Variants in RHBDD1 observed in about 807,000 individuals in gnomAD.
RHBDD1 encodes the protein rhomboid domain containing 1.
A neutral mutation model predicts 36.3 loss-of-function variants in RHBDD1; 38 were observed. That is an observed-to-expected ratio of 1.05 (90% CI 0.81 to 1.37). RHBDD1 has a LOEUF of 1.37. Ranked by LOEUF, RHBDD1 falls within the 40% of genes most tolerant of loss-of-function variation. RHBDD1 has a pLI of 0.00. For synonymous variants in RHBDD1, 151 were observed against 136.5 expected, an observed-to-expected ratio of 1.11 and a Z score of -0.74; for missense variants, 393 against 377.6, an observed-to-expected ratio of 1.04 and a Z score of -0.34.
At chr2:226,801,693 G>A in the RHBDD1 span, among the ~76,000 whole-genome samples, 5 of 152,202 alleles carry the variant, frequency 3.3e-5, no homozygotes, top group African/African-American at 9.6e-5. Flanking sequence ...GGAAATGGAA[G>A]CGAGGCGGCA....
the RHBDD1 span, among the ~76,000 whole-genome samples, chr2:226,823,168 T>C: frequency 6.6e-6 from 1 of 152,124 alleles, no homozygotes; most frequent in African/African-American, 2.4e-5. Flanking sequence ...CCTCTTTTTG[T>C]CCTGCTGCTA....
chr2:226,937,774 C>T (rs1359970597), intron 8 of RHBDD1, among the ~76,000 whole-genome samples: 1 of 152,074 alleles, frequency 6.6e-6, no homozygotes, highest in East Asian at 1.9e-4. Flanking sequence ...GACATCATTT[C>T]GGTTTTGTTG....
the RHBDD1 span, chr2:226,804,264 C>G: frequency 6.6e-6 from 1 of 152,088 alleles, no homozygotes. Context: ...TCCTGCTAAA[C>G]CAAAATCTCT....
At chr2:226,870,025 G>A (rs773834752) in intron 5 of RHBDD1, among the ~76,000 whole-genome samples, 12 of 152,172 alleles carry the variant, frequency 7.9e-5, no homozygotes, top group Non-Finnish European at 1.5e-4. Context: ...GTTCTCGTCT[G>A]AGCCTTAGGC....
chr2:226,868,634 G>A (rs1272201110), intron 5 of RHBDD1, among the ~76,000 whole-genome samples: 1 of 152,096 alleles, frequency 6.6e-6, no homozygotes, highest in African/African-American at 2.4e-5. Flanking sequence ...TTTTATTTTG[G>A]TTTTGATTTG....
the RHBDD1 span, among the ~76,000 whole-genome samples, chr2:226,803,051 T>C: frequency 6.6e-6 from 1 of 152,216 alleles, no homozygotes; most frequent in Non-Finnish European, 1.5e-5. Flanking sequence ...CCTTAAGATG[T>C]ATGGGTCATA....
intron 8 of RHBDD1, among the ~76,000 whole-genome samples, chr2:226,985,559 G>A (rs536698986): frequency 4.7e-4 from 72 of 152,354 alleles, no homozygotes; most frequent in African/African-American, 1.7e-3. Context: ...AAACTCGGGT[G>A]GATATGTTCA....
At chr2:226,918,540 C>T in intron 8 of RHBDD1, among the ~76,000 whole-genome samples, 2 of 151,948 alleles carry the variant, frequency 1.3e-5, no homozygotes, top group Admixed American at 1.3e-4. Context: ...TTATAGCTCC[C>T]ACAAATAAAT....
At chr2:226,879,250 A>G (rs1019338874) in intron 5 of RHBDD1, among the ~76,000 whole-genome samples, 1 of 152,198 alleles carries the variant, frequency 6.6e-6, no homozygotes, top group African/African-American at 2.4e-5. Context: ...TAAACTGGCT[A>G]CTAGTTGCTT....
chr2:226,936,680 C>T (rs1471156424), intron 8 of RHBDD1, among the ~76,000 whole-genome samples: 1 of 152,074 alleles, frequency 6.6e-6, no homozygotes, highest in Non-Finnish European at 1.5e-5. Context: ...AGAAATATTT[C>T]TTTGCACACT....
intron 8 of RHBDD1, among the ~76,000 whole-genome samples, chr2:226,983,155 C>T (rs1956163698): frequency 6.6e-6 from 1 of 152,170 alleles, no homozygotes; most frequent in Admixed American, 6.5e-5. Flanking sequence ...GGCATGTGGG[C>T]ATCCAGCTCA....
At chr2:226,934,899 T>C (rs2149120288) in intron 8 of RHBDD1, among the ~76,000 whole-genome samples, 1 of 152,044 alleles carries the variant, frequency 6.6e-6, no homozygotes, top group Admixed American at 6.6e-5. Flanking sequence ...CAGGTTAAGT[T>C]GGTGCTGGGT....
chr2:226,850,987 T>C (rs1399360139), intron 3 of RHBDD1, among the ~76,000 whole-genome samples: 1 of 152,160 alleles, frequency 6.6e-6, no homozygotes, highest in Non-Finnish European at 1.5e-5. Context: ...CCTCTCTGAT[T>C]ATGTTCAGGA....
At position 226,864,710 on chromosome 2, in the gene RHBDD1, G is replaced by A; in HGVS notation, c.17G>A (p.Arg6Lys). MQRRSRGINTGLILLL... is the reference protein window; with the variant it reads MQRRSKGINTGLILLL... The stretch of plus-strand genomic sequence containing the variant: ...TATCTGGCCATGCAACGGAGATCAA[G>A]AGGGATAAATACTGGACTTATTCTA... The change falls in exon 4 of 9, where the codon AGA becomes AAA. Residue 6 changes from arginine to lysine, a missense_variant. Physicochemically the swap from Arg to Lys is conservative, Grantham distance 26 (BLOSUM62 2). Coordinates refer to ENST00000392062, the MANE Select transcript of RHBDD1 (RefSeq NM_001167608.3). 2.5e-6 allele frequency: 4 copies of A among 1,613,944 alleles called. No homozygotes were observed. The highest frequency in any genetic ancestry group is 3.4e-6 in the Non-Finnish European group (4 of 1,179,874).
At chr2:226,971,993 G>A (rs1953611757) in intron 8 of RHBDD1, among the ~76,000 whole-genome samples, 2 of 151,704 alleles carry the variant, frequency 1.3e-5, no homozygotes, top group South Asian at 2.1e-4. Flanking sequence ...CATGTGCCAC[G>A]GTGGTTTGCT....
At chr2:226,821,112 G>A in the RHBDD1 span, among the ~76,000 whole-genome samples, 10 of 152,018 alleles carry the variant, frequency 6.6e-5, no homozygotes, top group Non-Finnish European at 1.3e-4. Flanking sequence ...AACATTTTTT[G>A]AGCCCCCTAC....
intron 5 of RHBDD1, among the ~76,000 whole-genome samples, chr2:226,901,587 G>A (rs1947602053): frequency 6.6e-6 from 1 of 152,120 alleles, no homozygotes. Flanking sequence ...CACATGTGAG[G>A]TGATATCTCA....
intron 3 of RHBDD1, among the ~76,000 whole-genome samples, chr2:226,854,584 G>C (rs1373137676): frequency 1.5e-5 from 2 of 135,394 alleles, no homozygotes; most frequent in African/African-American, 3.0e-5. Context: ...CTGGGTGACA[G>C]AGCCAGACTC....
chr2:226,884,952 A>G (rs909499311), intron 5 of RHBDD1, among the ~76,000 whole-genome samples: 1 of 152,198 alleles, frequency 6.6e-6, no homozygotes, highest in African/African-American at 2.4e-5. Flanking sequence ...ATGAGAAAAA[A>G]ATGAATTACA....
Sources: gnomAD v4.1 joint callset for allele counts (sites outside exome capture counted in the v4.1 genomes callset) on GRCh38, gnomAD v4.1.1 for gene constraint, MANE v1.5 for transcripts, NCBI Gene and HGNC (gene_info 2026-07-23, HGNC 2026-07-21) for gene names.